The following PCDH9 variants were observed in gnomAD, a reference collection of about 807,000 sequenced individuals.
PCDH9 encodes the protein protocadherin-9.
A neutral mutation model predicts 70.6 loss-of-function variants in PCDH9; 24 were observed. That is an observed-to-expected ratio of 0.34 (90% confidence interval 0.25 to 0.48). The LOEUF is 0.48. Ranked by LOEUF, PCDH9 falls within the 20% of genes least tolerant of loss-of-function variation. PCDH9 has a pLI of 0.99. For synonymous variants in PCDH9, 562 were observed against 558.5 expected, an observed-to-expected ratio of 1.01 and a Z score of -0.09; for missense variants, 1,281 against 1,503.6, an observed-to-expected ratio of 0.85 and a Z score of 2.45.
At chr13:66,583,476 G>C (rs185745059) in intron 4 of PCDH9, among the ~76,000 whole-genome samples, 2 of 152,034 alleles carry the variant, frequency 1.3e-5, no homozygotes, top group African/African-American at 2.4e-5. Flanking sequence ...GCTGGGCTTG[G>C]GGGGACGCGC....
At chr13:66,911,192 T>C (rs77201243) in intron 2 of PCDH9, among the ~76,000 whole-genome samples, 5,757 of 152,226 alleles carry the variant, frequency 0.038, 363 homozygotes, top group African/African-American at 0.13. Flanking sequence ...AGCAGGTTCC[T>C]TCTAAATGTG....
At chr13:66,769,149 A>G (rs938079708) in intron 3 of PCDH9, among the ~76,000 whole-genome samples, 3 of 152,122 alleles carry the variant, frequency 2.0e-5, no homozygotes, top group Non-Finnish European at 2.9e-5. Flanking sequence ...CATCAAACAA[A>G]CAAGTACATT....
chr13:66,708,489 A>G (rs1453711475), intron 3 of PCDH9, among the ~76,000 whole-genome samples: 6 of 147,032 alleles, frequency 4.1e-5, no homozygotes, highest in Non-Finnish European at 5.9e-5. Context: ...TTTAGCCACT[A>G]TTTTCACAGG....
At chr13:66,987,645 A>T (rs1176198197) in intron 2 of PCDH9, among the ~76,000 whole-genome samples, 5 of 152,016 alleles carry the variant, frequency 3.3e-5, no homozygotes, top group Non-Finnish European at 5.9e-5. Context: ...GAATTGCATA[A>T]TTGCAAAACT....
chr13:66,703,363 T>A (rs1026217253), intron 3 of PCDH9, among the ~76,000 whole-genome samples: 1 of 152,228 alleles, frequency 6.6e-6, no homozygotes, highest in South Asian at 2.1e-4. Flanking sequence ...TAATGGATTA[T>A]ATCCACTTTG....
chr13:66,532,178 T>A (rs1960490771), intron 4 of PCDH9, among the ~76,000 whole-genome samples: 1 of 151,898 alleles, frequency 6.6e-6, no homozygotes, highest in African/African-American at 2.4e-5. Flanking sequence ...TTTTTTTTTT[T>A]TCTTTTGTAG....
At chr13:66,919,904 G>A (rs940699761) in intron 2 of PCDH9, among the ~76,000 whole-genome samples, 4 of 150,712 alleles carry the variant, frequency 2.7e-5, no homozygotes, top group African/African-American at 7.3e-5. Context: ...TTTCTTATTC[G>A]GTTTTTAAAC....
chr13:66,563,910 A>G (rs1202089295), intron 4 of PCDH9, among the ~76,000 whole-genome samples: 1 of 151,914 alleles, frequency 6.6e-6, no homozygotes, highest in Non-Finnish European at 1.5e-5. Context: ...AAATATTGTT[A>G]TTATTAACGC....
At chr13:66,462,538 G>C (rs1280916156) in intron 4 of PCDH9, among the ~76,000 whole-genome samples, 1 of 151,762 alleles carries the variant, frequency 6.6e-6, no homozygotes, top group Non-Finnish European at 1.5e-5. Flanking sequence ...CTGCCCGTTA[G>C]AATCAGCTGG....
intron 2 of PCDH9, among the ~76,000 whole-genome samples, chr13:67,191,024 T>A (rs1437023571): frequency 6.6e-6 from 1 of 152,104 alleles, no homozygotes; most frequent in East Asian, 1.9e-4. Flanking sequence ...ATTCTATTCA[T>A]ATGTGATCTA....
chr13:66,934,712 T>G (rs1333427752), intron 2 of PCDH9, among the ~76,000 whole-genome samples: 1 of 50,716 alleles, frequency 2.0e-5, no homozygotes, highest in African/African-American at 1.6e-4. Context: ...TGTTTGCTTT[T>G]TTTTTTTTTT....
chr13:66,596,768 A>AT (rs140990187), intron 4 of PCDH9, among the ~76,000 whole-genome samples: 24,124 of 149,730 alleles, frequency 0.16, 2,133 homozygotes, highest in Middle Eastern at 0.23. Context: ...CTTACTGGAA[A>AT]TTTTTTTTCA....
chr13:66,632,413 G>C (rs1299945418), intron 3 of PCDH9, among the ~76,000 whole-genome samples: 1 of 152,164 alleles, frequency 6.6e-6, no homozygotes, highest in Admixed American at 6.5e-5. Context: ...AATTATTCTT[G>C]ACCATTGACC....
intron 4 of PCDH9, among the ~76,000 whole-genome samples, chr13:66,545,403 T>C (rs974674862): frequency 2.0e-5 from 3 of 152,324 alleles, no homozygotes; most frequent in African/African-American, 7.2e-5. Context: ...AGACATGTAA[T>C]AAAAATCAGG....
At chr13:66,438,863 C>T (rs570477000) in intron 4 of PCDH9, among the ~76,000 whole-genome samples, 3 of 152,286 alleles carry the variant, frequency 2.0e-5, no homozygotes, top group African/African-American at 7.2e-5. Context: ...GCAAGCCTGT[C>T]CTAATACTAG....
At chr13:66,557,364 TAACA>T (rs1164484210) in intron 4 of PCDH9, among the ~76,000 whole-genome samples, 11 of 152,168 alleles carry the variant, frequency 7.2e-5, no homozygotes, top group East Asian at 1.9e-4. Context: ...AAATTATCAA[TAACA>T]AACAATATAT....
At chr13:66,880,840 A>C (rs1420279290) in intron 3 of PCDH9, among the ~76,000 whole-genome samples, 1 of 152,166 alleles carries the variant, frequency 6.6e-6, no homozygotes, top group Non-Finnish European at 1.5e-5. Flanking sequence ...CTAGAGAGCA[A>C]TTGCTTATTG....
chr13:66,540,311 A>T (rs1400750790), intron 4 of PCDH9, among the ~76,000 whole-genome samples: 1 of 152,192 alleles, frequency 6.6e-6, no homozygotes, highest in Non-Finnish European at 1.5e-5. Flanking sequence ...AGCAAATTGT[A>T]GGCTCATATA....
chr13:66,874,086 G>A (rs766620652), intron 3 of PCDH9, among the ~76,000 whole-genome samples: 3 of 151,750 alleles, frequency 2.0e-5, no homozygotes, highest in Non-Finnish European at 4.4e-5. Flanking sequence ...GGCTACAGGT[G>A]TGTGCCACCA....
Sources: gnomAD v4.1 joint callset for allele counts (sites outside exome capture counted in the v4.1 genomes callset) on GRCh38, gnomAD v4.1.1 for gene constraint, MANE v1.5 for transcripts, NCBI Gene and HGNC (gene_info 2026-07-23, HGNC 2026-07-21) for gene names.